Variants in HEPH observed in about 807,000 individuals in gnomAD.
HEPH encodes the protein hephaestin.
In HEPH, 69 loss-of-function variants were observed where a neutral mutation model predicts 80.8. That is an observed-to-expected ratio of 0.85 (90% CI 0.70 to 1.04). The LOEUF (loss-of-function observed/expected upper bound fraction) is 1.04. HEPH is among the 50% of genes least tolerant of loss of function. The pLI is 0.00. For missense variants in HEPH, 1,115 were observed against 891.3 expected, an observed-to-expected ratio of 1.25 and a Z score of -3.20; for synonymous variants, 431 against 322.8, an observed-to-expected ratio of 1.34 and a Z score of -3.60.
chrX:66,189,740 C>G lies in HEPH; in HGVS notation c.865C>G (p.Arg289Gly). Residue 289 changes from arginine to glycine, a missense_variant, in exon 6 of 21, where the codon CGT becomes GGT. By Grantham distance (125) the Arg-to-Gly change is moderately radical (BLOSUM62 -2). Around this residue, in one of 3 missense-constraint regions of HEPH, gnomAD observed 391 missense variants for 343.6 expected, o/e 1.14. Transcript: ENST00000343002. Reference sequence around the variant, plus strand: ...TGAGCTGAACATGTGTGCACAGAAACGTGTGGCCTGGCACTTGTTTGGCAT... The same window carrying G: ...TGAGCTGAACATGTGTGCACAGAAAGGTGTGGCCTGGCACTTGTTTGGCAT... ...LPELNMCAQK[R>G]VAWHLFGMGN... 1 of 1,210,975 alleles carries G rather than the reference C, an allele frequency of 8.3e-7. No homozygotes were observed. The highest frequency in any genetic ancestry group is 1.7e-5 in the African/African-American group (1 of 57,649).
intron 15 of HEPH, among the ~76,000 whole-genome samples, chrX:66,220,601 C>A (rs896271303): frequency 1.8e-5 from 2 of 112,132 alleles, no homozygotes; most frequent in Non-Finnish European, 3.8e-5. Context: ...AGTCCTAACT[C>A]ATGACAAATG....
At chrX:66,231,229 C>G (rs1301674932) in intron 15 of HEPH, among the ~76,000 whole-genome samples, 1 of 108,966 alleles carries the variant, frequency 9.2e-6, no homozygotes, top group African/African-American at 3.4e-5. Context: ...CAGCTTTGTT[C>G]TTTTGGCTTA....
intron 4 of HEPH, among the ~76,000 whole-genome samples, chrX:66,174,998 G>A (rs2086741830): frequency 9.0e-6 from 1 of 111,146 alleles, no homozygotes; most frequent in African/African-American, 3.3e-5. Context: ...GTTCCTGTTG[G>A]CGTGCAAAAA....
At chrX:66,199,313 C>A (rs2088287328) in intron 11 of HEPH, among the ~76,000 whole-genome samples, 1 of 110,276 alleles carries the variant, frequency 9.1e-6, no homozygotes, top group South Asian at 3.9e-4. Context: ...CCAGATGATA[C>A]CTTTCCAATC....
At position 66,189,946 on chromosome X, in the gene HEPH, C is replaced by T. The variant is rs1293949327; in HGVS notation, c.1063+8C>T. 1 of 1,167,197 alleles carries T rather than the reference C, an allele frequency of 8.6e-7. No homozygotes were observed. Among genetic ancestry groups the T allele is most frequent in the Non-Finnish European group, 1.1e-6 (1 of 872,576 alleles). On this transcript the variant is annotated splice_region_variant and intron_variant, in intron 6 of 20. Coordinates refer to ENST00000343002, the MANE Select transcript of HEPH (RefSeq NM_001367233.3). ...TGAACAGTCACTTTCGAGGTGAGAT[C>T]CAACATTTCTGACCATTGGGTTGTA...
rs773956029 is a variant in HEPH at position 66,198,955 on chromosome X, A to G, written c.1791A>G (p.Gln597=). 10 of 1,205,688 alleles carry G rather than the reference A, an allele frequency of 8.3e-6. No homozygotes were observed. Among genetic ancestry groups the G allele is most frequent in the Admixed American group, 2.2e-5 (1 of 45,803 alleles). Reference sequence around the variant, plus strand: ...AGAGCTGGTACAGCAATGCCAATCAAGCAGCTGCTATGTTGGATTTCCGAC... The same window carrying G: ...AGAGCTGGTACAGCAATGCCAATCAGGCAGCTGCTATGTTGGATTTCCGAC... The part of the protein sequence containing the change: ...ENKSWYSNAN[Q]AAAMLDFRLL... Residue 597 remains glutamine (Q), a synonymous_variant, in exon 11 of 21, where the codon CAA becomes CAG. Coordinates refer to ENST00000343002, the MANE Select transcript of HEPH (RefSeq NM_001367233.3).
intron 17 of HEPH, among the ~76,000 whole-genome samples, chrX:66,257,638 A>T (rs2091225255): frequency 8.9e-6 from 1 of 112,154 alleles, no homozygotes. Flanking sequence ...GCAGAGGGAG[A>T]ATCATACCCC....
intron 6 of HEPH, among the ~76,000 whole-genome samples, 185 bp from the exon 7 acceptor site, chrX:66,191,945 C>T (rs1181680233): frequency 9.0e-6 from 1 of 111,326 alleles, no homozygotes; most frequent in Non-Finnish European, 1.9e-5. Context: ...TACCTGAATT[C>T]TACCCTGGAC....
At chrX:66,250,927 A>G (rs2090978723) in intron 15 of HEPH, among the ~76,000 whole-genome samples, 1 of 112,316 alleles carries the variant, frequency 8.9e-6, no homozygotes, top group Non-Finnish European at 1.9e-5. Flanking sequence ...TCTGTCACTT[A>G]GGCTGGAGTT....
At chrX:66,177,787 T>C (rs1383384336) in intron 4 of HEPH, among the ~76,000 whole-genome samples, 3 of 111,713 alleles carry the variant, frequency 2.7e-5, no homozygotes, top group South Asian at 7.4e-4. Context: ...CTTGTTTCTC[T>C]AGTTCCTTGA....
intron 15 of HEPH, among the ~76,000 whole-genome samples, chrX:66,235,201 C>G (rs758138681): frequency 1.8e-3 from 201 of 111,761 alleles, no homozygotes; most frequent in African/African-American, 5.9e-3. Context: ...TTTAGTTTAA[C>G]TAGATGCCAT....
rs186684980 is a variant in HEPH, at chrX:66,175,574, T to C, written c.625+1773T>C. ...TGGTGGTATTTTGATGGGAATTGCA[T>C]TGAATTTGTAGATTGCTTTTGGCAG... On this transcript the variant is annotated intron_variant, in intron 4 of 20. Transcript: ENST00000343002. 2.1e-4 allele frequency among the ~76,000 whole-genome samples: 23 copies of C among 111,646 alleles called. No homozygotes were observed. In the East Asian group the frequency reaches 5.9e-3, roughly 29 times the overall value.
chrX:66,257,712 A>G (rs1452614087), intron 17 of HEPH, among the ~76,000 whole-genome samples: 2 of 112,152 alleles, frequency 1.8e-5, no homozygotes, highest in African/African-American at 3.2e-5. Context: ...GAGAGAAAAG[A>G]TCAATAAGAG....
chrX:66,205,043 ATAGT>A (rs746137119), intron 13 of HEPH, among the ~76,000 whole-genome samples: 3 of 111,844 alleles, frequency 2.7e-5, no homozygotes, highest in South Asian at 3.7e-4. Context: ...ATAGTATCCA[ATAGT>A]TAGTTTTTCA....
intron 15 of HEPH, among the ~76,000 whole-genome samples, chrX:66,246,777 C>T (rs2090825529): frequency 8.9e-6 from 1 of 111,870 alleles, no homozygotes; most frequent in South Asian, 3.8e-4. Context: ...TGTAGCCCTG[C>T]TACCTTGATG....
chrX:66,189,706 G>A lies in HEPH; in HGVS notation c.831G>A (p.Gly277=), dbSNP rs2087686482. ...RMHAINGFVF[G]NLPELNMCAQ... Reference sequence around the variant, plus strand: ...CAGCAATCAATGGCTTTGTTTTTGGGAATTTACCTGAGCTGAACATGTGTG... The same window carrying A: ...CAGCAATCAATGGCTTTGTTTTTGGAAATTTACCTGAGCTGAACATGTGTG... Residue 277 remains glycine, a synonymous_variant, in exon 6 of 21, where the codon GGG becomes GGA. Transcript: ENST00000343002. 8.3e-7 allele frequency: 1 copy of A among 1,207,673 alleles called. No individual in the cohort carries two copies.
intron 4 of HEPH, among the ~76,000 whole-genome samples, chrX:66,177,763 G>C (rs1464336522): frequency 1.8e-5 from 2 of 110,704 alleles, no homozygotes; most frequent in Non-Finnish European, 3.8e-5. Flanking sequence ...TCTAGGGTTT[G>C]GGTTTGGTTT....
intron 12 of HEPH, 134 bp downstream of exon 12, chrX:66,200,886 T>C: frequency 2.1e-6 from 1 of 481,994 alleles, no homozygotes; most frequent in Non-Finnish European, 3.5e-6. Flanking sequence ...AAAACACTTG[T>C]CTTTTTCTTC....
intron 15 of HEPH, among the ~76,000 whole-genome samples, chrX:66,233,578 C>T (rs1291881845): frequency 9.0e-6 from 1 of 110,843 alleles, no homozygotes; most frequent in Admixed American, 9.7e-5. Context: ...TTAACTACTT[C>T]ACTGCCAACA....
Sources: allele counts gnomAD v4.1 joint callset (sites outside exome capture counted in the v4.1 genomes callset), GRCh38; gene constraint gnomAD v4.1.1; regional missense constraint gnomAD v4.1.1; transcripts MANE v1.5; gene names NCBI Gene and HGNC (gene_info 2026-07-23, HGNC 2026-07-21).